OR52I2: variants seen among roughly 807,000 people sequenced by gnomAD.
OR52I2 encodes the protein olfactory receptor family 52 subfamily I member 2.
For synonymous variants in OR52I2, 147 were observed against 151.9 expected, an observed-to-expected ratio of 0.97 and a Z score of 0.24; for missense variants, 350 against 402.4, an observed-to-expected ratio of 0.87 and a Z score of 1.11.
At position 4,582,433 on chromosome 11, in the gene OR52I2, C is replaced by CCTT. The variant is rs1564859030; in HGVS notation, c.-20+569_-20+570insCTT. Among the ~76,000 whole-genome samples the CCTT allele has an allele frequency of 5.7e-3, 423 of 74,408 alleles. 7 individuals are homozygous for CCTT. The highest frequency in any genetic ancestry group is 0.011 in the South Asian group (19 of 1,770). 48.8% of individuals were successfully genotyped at this position (74,408 alleles called of 152,430 possible). A position where few individuals can be genotyped will look rare whatever the true frequency, so the allele number is the denominator to read the frequency against. ...TTTATTTTTATATTTATTTATTTTT[C>CCTT]ATTTTTTTTTTTTTTTTTTTTTTGA... is the stretch of plus-strand genomic sequence containing the variant. On this transcript the variant is annotated intron_variant, in intron 1 of 1. Transcript: ENST00000641896.
intron 1 of OR52I2, among the ~76,000 whole-genome samples, chr11:4,585,714 T>G (rs1015467936): frequency 3.3e-5 from 5 of 152,236 alleles, no homozygotes; most frequent in African/African-American, 1.2e-4. Flanking sequence ...TCTTCTTGAC[T>G]ATCCATATTG....
intron 1 of OR52I2, 142 bp from the exon 2 acceptor site, chr11:4,586,730 C>G: frequency 9.1e-7 from 1 of 1,104,250 alleles, no homozygotes; most frequent in Non-Finnish European, 1.3e-6. Flanking sequence ...AAAAGTGGTA[C>G]AGGATAATTT....
rs936069847 is a variant in OR52I2 at position 4,581,873 on chromosome 11, C to G, written c.-20+9C>G. The G allele has an allele frequency of 6.6e-6, 1 of 152,352 alleles. No individual in the cohort carries two copies. The highest frequency in any genetic ancestry group is 3.4e-3 in the Middle Eastern group (1 of 294). 9.4% of individuals were successfully genotyped at this position (152,352 alleles called of 1,614,324 possible). ...GAGAAGATTCCAAGGATGTAGGTAA[C>G]TGACCTGGGAATCAGGTGTTGGGCT... On this transcript the variant is annotated intron_variant, in intron 1 of 1. Coordinates refer to ENST00000641896, the Ensembl canonical transcript of OR52I2.
exon 2 of OR52I2, chr11:4,593,086 A>G (rs971361800): frequency 6.6e-6 from 1 of 152,278 alleles, no homozygotes; most frequent in African/African-American, 2.4e-5. Context: ...CACTCAGATT[A>G]TGAATACTAC....
chr11:4,583,632 G>C (rs1410664442), intron 1 of OR52I2, among the ~76,000 whole-genome samples: 3 of 152,182 alleles, frequency 2.0e-5, no homozygotes, highest in Non-Finnish European at 4.4e-5. Context: ...CTCGCCCAGT[G>C]TCCCAGCAGT....
At chr11:4,582,434 ATTTT>A (rs386372959) in intron 1 of OR52I2, among the ~76,000 whole-genome samples, 221 of 96,454 alleles carry the variant, frequency 2.3e-3, no homozygotes, top group Middle Eastern at 8.6e-3. Flanking sequence ...TTTATTTTTC[ATTTT>A]TTTTTTTTTT....
At chr11:4,583,799 T>C (rs906575753) in intron 1 of OR52I2, among the ~76,000 whole-genome samples, 17 of 152,326 alleles carry the variant, frequency 1.1e-4, no homozygotes, top group African/African-American at 4.1e-4. Flanking sequence ...CCAAGAATTT[T>C]GGCTTTTTAG....
intron 1 of OR52I2, among the ~76,000 whole-genome samples, chr11:4,586,044 AAGTTCATCTATAAGGT>A (rs1326619850): frequency 6.6e-6 from 1 of 152,188 alleles, no homozygotes; most frequent in Non-Finnish European, 1.5e-5. Flanking sequence ...TTACTGGGTA[AAGTTCATCTATAAGGT>A]AGTCCCAAGG....
intron 1 of OR52I2, among the ~76,000 whole-genome samples, chr11:4,582,672 C>A (rs1484516133): frequency 6.6e-6 from 1 of 152,000 alleles, no homozygotes; most frequent in African/African-American, 2.4e-5. Flanking sequence ...TGAGCTCAGA[C>A]AATCCTACCA....
exon 2 of OR52I2, chr11:4,589,530 C>T (rs1846335181): frequency 6.6e-6 from 1 of 152,116 alleles, no homozygotes; most frequent in South Asian, 2.1e-4. Flanking sequence ...TTTACTCTTC[C>T]TATACAGGGC....
exon 2 of OR52I2, chr11:4,590,000 A>G (rs1489725210): frequency 2.0e-5 from 3 of 151,990 alleles, no homozygotes; most frequent in Non-Finnish European, 2.9e-5. Flanking sequence ...GCATGTGAAT[A>G]TCCCCACAGT....
intron 1 of OR52I2, among the ~76,000 whole-genome samples, chr11:4,582,198 G>A (rs543896110): frequency 2.8e-4 from 43 of 152,242 alleles, no homozygotes; most frequent in Non-Finnish European, 4.6e-4. Flanking sequence ...GTGACTGGGA[G>A]TATGCTTGGT....
exon 2 of OR52I2, chr11:4,587,118 T>C (rs770334488): frequency 6.2e-5 from 100 of 1,614,082 alleles, no homozygotes; most frequent in Non-Finnish European, 8.4e-5. Flanking sequence ...TGGACATTGT[T>C]ATGGCCTCCT....
At chr11:4,582,433 C>CCTTTTTTTT (rs1564859030) in intron 1 of OR52I2, among the ~76,000 whole-genome samples, 1 of 74,700 alleles carries the variant, frequency 1.3e-5, no homozygotes, top group Non-Finnish European at 2.6e-5. Flanking sequence ...ATTTATTTTT[C>CCTTTTTTTT]ATTTTTTTTT....
At chr11:4,583,923 G>T (rs1846279478) in intron 1 of OR52I2, among the ~76,000 whole-genome samples, 1 of 152,186 alleles carries the variant, frequency 6.6e-6, no homozygotes, top group Non-Finnish European at 1.5e-5. Context: ...TTTTGGTTAG[G>T]ATTAAGAACC....
At chr11:4,584,187 C>CA (rs984811141) in intron 1 of OR52I2, among the ~76,000 whole-genome samples, 1 of 152,146 alleles carries the variant, frequency 6.6e-6, no homozygotes, top group African/African-American at 2.4e-5. Flanking sequence ...TGAGGCTTGG[C>CA]AAATAAGCAC....
chr11:4,590,188 C>A (rs915814129), exon 2 of OR52I2: 3 of 152,142 alleles, frequency 2.0e-5, no homozygotes, highest in Non-Finnish European at 4.4e-5. Flanking sequence ...GGCTATCTAT[C>A]TGAGATTTGT....
At chr11:4,582,639 C>G (rs1846267589) in intron 1 of OR52I2, among the ~76,000 whole-genome samples, 1 of 151,832 alleles carries the variant, frequency 6.6e-6, no homozygotes. Flanking sequence ...CGGGGTTTTG[C>G]CATGTTGTCC....
exon 2 of OR52I2, chr11:4,592,330 T>C (rs1465065025): frequency 6.6e-6 from 1 of 152,276 alleles, no homozygotes; most frequent in African/African-American, 2.4e-5. Flanking sequence ...TAGCAAGCGA[T>C]AGAGTAGGGT....
Sources: allele counts gnomAD v4.1 joint callset (sites outside exome capture counted in the v4.1 genomes callset), GRCh38; gene constraint gnomAD v4.1.1; transcripts MANE v1.5; gene names NCBI Gene and HGNC (gene_info 2026-07-23, HGNC 2026-07-21).